The following UGT1A3 variants were observed in gnomAD, a reference collection of about 807,000 sequenced individuals.
UGT1A3 encodes UDP glucuronosyltransferase family 1 member A3.
UGT1A3 carries 31 observed loss-of-function variants against 41.0 expected under a neutral mutation model. The observed-to-expected ratio is 0.76, with a 90% CI of 0.57 to 1.02. The LOEUF is 1.02. Among genes scored for constraint, UGT1A3 ranks in the 50% least tolerant of loss-of-function variants. The pLI is 0.00. For synonymous variants in UGT1A3, 262 were observed against 257.6 expected (o/e 1.02, Z -0.17); for missense variants, 737 against 671.0 (o/e 1.10, Z -1.09).
At chr2:233,734,917 G>A (rs965822132) in intron 1 of UGT1A3, among the ~76,000 whole-genome samples, 3 of 152,162 alleles carry the variant, frequency 2.0e-5, no homozygotes, top group Non-Finnish European at 4.4e-5. Context: ...ATTTGCTAAG[G>A]AGTGCTTTAC....
chr2:233,768,189 C>T, intron 3 of UGT1A3, 31 bp from the exon 4 acceptor site: 1 of 1,614,040 alleles, frequency 6.2e-7, no homozygotes. Flanking sequence ...AGAGATGTAA[C>T]TGCTGACATC....
At chr2:233,760,948 T>G (rs746225571) in intron 1 of UGT1A3, 7 of 1,614,204 alleles carry the variant, frequency 4.3e-6, no homozygotes, top group Non-Finnish European at 5.9e-6. Flanking sequence ...TTCACAGAAC[T>G]TTCTGTGCGA....
At chr2:233,747,330 C>T (rs896598113) in intron 1 of UGT1A3, 17 of 1,603,408 alleles carry the variant, frequency 1.1e-5, no homozygotes, top group Non-Finnish European at 1.2e-5. Flanking sequence ...TTGATGGCAG[C>T]CACTGGCTCG....
rs1005644336 is a variant in UGT1A3 at position 233,772,950 on chromosome 2, A to G, written c.*391A>G. On this transcript the variant is annotated 3_prime_UTR_variant, in exon 5 of 5. Coordinates refer to ENST00000482026, the MANE Select transcript of UGT1A3 (RefSeq NM_019093.4). Reference sequence around the variant, plus strand: ...TAATCTTATCTTTTGGCTTCTGCAGATGGTTGCAATTGATCCTTAACCAAT... The same window carrying G: ...TAATCTTATCTTTTGGCTTCTGCAGGTGGTTGCAATTGATCCTTAACCAAT... The G allele has an allele frequency of 1.5e-5, 5 of 323,142 alleles. No individual in the cohort carries two copies. Among genetic ancestry groups the G allele is most frequent in the Non-Finnish European group, 2.9e-5 (5 of 171,790 alleles). 20.0% of individuals were successfully genotyped at this position (323,142 alleles called of 1,614,324 possible). A position where few individuals can be genotyped will look rare whatever the true frequency, so the allele number is the denominator to read the frequency against.
chr2:233,769,731 T>C lies in UGT1A3; in HGVS notation c.1307+1292T>C. ...TTGGCTAGGCACCATGGCACACGCC[T>C]GTAGTCCCAGCCACTCTGGAGGCTA... On this transcript the variant is annotated intron_variant, in intron 4 of 4. Coordinates refer to ENST00000482026, the MANE Select transcript of UGT1A3 (RefSeq NM_019093.4). The surrounding 1 kb of genome is among the most constrained non-coding windows in gnomAD (Gnocchi z 4.4). The C allele has an allele frequency of 6.8e-7, 1 of 1,467,200 alleles. No individual in the cohort carries two copies. Among genetic ancestry groups the C allele is most frequent in the Non-Finnish European group, 9.0e-7 (1 of 1,108,292 alleles). 90.9% of individuals were successfully genotyped at this position (1,467,200 alleles called of 1,614,324 possible). A position where few individuals can be genotyped will look rare whatever the true frequency, so the allele number is the denominator to read the frequency against.
At chr2:233,762,782 TCTA>T (rs770561040) in intron 1 of UGT1A3, among the ~76,000 whole-genome samples, 8 of 152,166 alleles carry the variant, frequency 5.3e-5, no homozygotes, top group Non-Finnish European at 7.4e-5. Flanking sequence ...TAGCTGATTA[TCTA>T]CTCATTACTC....
intron 1 of UGT1A3, among the ~76,000 whole-genome samples, chr2:233,744,210 A>G (rs564002534): frequency 6.6e-6 from 1 of 151,916 alleles, no homozygotes; most frequent in South Asian, 2.1e-4. Flanking sequence ...TGGGAAAAAG[A>G]GGTTGGGGAA....
intron 1 of UGT1A3, chr2:233,748,207 C>G (rs1467291155): frequency 6.6e-7 from 1 of 1,505,266 alleles, no homozygotes; most frequent in African/African-American, 1.4e-5. Context: ...TCGTAATAGC[C>G]TTCAGTGAGA....
chr2:233,747,900 C>T (rs1242605128), intron 1 of UGT1A3: 22 of 1,613,554 alleles, frequency 1.4e-5, no homozygotes, highest in Middle Eastern at 3.3e-4. Flanking sequence ...TCTTTCTGCT[C>T]CTTATGCAAG....
intron 4 of UGT1A3, chr2:233,771,400 G>A (rs1195716316): frequency 6.6e-6 from 1 of 152,152 alleles, no homozygotes; most frequent in Non-Finnish European, 1.5e-5. Flanking sequence ...ATTGGGCAAT[G>A]AACACTGTCC....
At chr2:233,742,507 G>A (rs1692002701) in intron 1 of UGT1A3, among the ~76,000 whole-genome samples, 1 of 151,888 alleles carries the variant, frequency 6.6e-6, no homozygotes, top group Non-Finnish European at 1.5e-5. Flanking sequence ...TGGCTATCAT[G>A]AACACGTCAC....
chr2:233,770,680 G>C (rs940972002), intron 4 of UGT1A3: 1 of 151,464 alleles, frequency 6.6e-6, no homozygotes, highest in Non-Finnish European at 1.5e-5. Context: ...AAAAAAGAAG[G>C]TTCCAAGAAA....
At chr2:233,756,948 G>A (rs530775201) in intron 1 of UGT1A3, among the ~76,000 whole-genome samples, 1 of 152,072 alleles carries the variant, frequency 6.6e-6, no homozygotes, top group African/African-American at 2.4e-5. Flanking sequence ...CCTGAAACCC[G>A]GACTTGGCAC....
rs2126030462 is a variant in UGT1A3 at position 233,767,128 on chromosome 2, T to C, written c.962T>C (p.Met321Thr). The change falls in exon 2 of 5, where the codon ATG (methionine) becomes ACG (threonine). Residue 321 changes from methionine to threonine, a missense_variant. Transcript: ENST00000482026. Reference protein sequence around the residue: ...MVSEIPEKKAMAIADALGKIP... With the variant: ...MVSEIPEKKATAIADALGKIP... ...TCAGAAATTCCAGAGAAGAAAGCTA[T>C]GGCAATTGCTGATGCTTTGGGCAAA... 1 of 1,614,150 alleles carries C rather than the reference T, an allele frequency of 6.2e-7. No individual in the cohort carries two copies. The highest frequency in any genetic ancestry group is 1.3e-5 in the African/African-American group (1 of 75,052).
chr2:233,739,772 T>C (rs1691199757), intron 1 of UGT1A3, among the ~76,000 whole-genome samples: 1 of 152,174 alleles, frequency 6.6e-6, no homozygotes, highest in South Asian at 2.1e-4. Context: ...AGTGCTGAAA[T>C]GAGTTAAGAC....
intron 1 of UGT1A3, among the ~76,000 whole-genome samples, chr2:233,757,900 G>A (rs1226953924): frequency 6.6e-6 from 1 of 152,060 alleles, no homozygotes; most frequent in African/African-American, 2.4e-5. Flanking sequence ...CACTTTCCAT[G>A]GACGTGTCAC....
At chr2:233,733,843 T>C (rs1303071690) in intron 1 of UGT1A3, among the ~76,000 whole-genome samples, 2 of 152,184 alleles carry the variant, frequency 1.3e-5, no homozygotes, top group African/African-American at 4.8e-5. Flanking sequence ...GAGGATTCCC[T>C]CTTTTTCTAT....
At chr2:233,734,256 G>A (rs1200658913) in intron 1 of UGT1A3, among the ~76,000 whole-genome samples, 1 of 151,990 alleles carries the variant, frequency 6.6e-6, no homozygotes, top group Non-Finnish European at 1.5e-5. Flanking sequence ...GTCTTGGGAG[G>A]GTGTATGTGT....
At chr2:233,732,000 CATT>C (rs1375230959) in intron 1 of UGT1A3, among the ~76,000 whole-genome samples, 1 of 152,212 alleles carries the variant, frequency 6.6e-6, no homozygotes, top group Non-Finnish European at 1.5e-5. Flanking sequence ...GATGGTATCT[CATT>C]GTGGTTTTGA....
Sources: gnomAD v4.1 joint callset for allele counts (sites outside exome capture counted in the v4.1 genomes callset) on GRCh38, gnomAD v4.1.1 for gene constraint, Gnocchi (gnomAD v3.1) non-coding constraint, MANE v1.5 for transcripts, NCBI Gene and HGNC (gene_info 2026-07-23, HGNC 2026-07-21) for gene names.